CA10: variants seen among roughly 807,000 people sequenced by gnomAD.
The protein encoded by CA10 is carbonic anhydrase-related protein 10.
A neutral mutation model predicts 44.2 loss-of-function variants in CA10; 14 were observed. The observed-to-expected ratio is 0.32, with a 90% CI of 0.21 to 0.50. The LOEUF (loss-of-function observed/expected upper bound fraction) is 0.50. Ranked by LOEUF, CA10 falls within the 20% of genes least tolerant of loss-of-function variation. The probability of loss-of-function intolerance (pLI) is 0.99; values close to 1 mark genes in which losing one functional copy is unlikely to be tolerated. For missense variants in CA10, 350 were observed against 409.7 expected (o/e 0.85, Z 1.26); for synonymous variants, 159 against 141.6 (o/e 1.12, Z -0.87).
chr17:51,801,193 G>A (rs899866010), intron 3 of CA10, among the ~76,000 whole-genome samples: 1 of 152,294 alleles, frequency 6.6e-6, no homozygotes, highest in South Asian at 2.1e-4. Context: ...CCCAGTGGCA[G>A]CTTCCACAGA....
chr17:51,861,313 A>G (rs1004469079), intron 3 of CA10, among the ~76,000 whole-genome samples: 3 of 152,116 alleles, frequency 2.0e-5, no homozygotes, highest in African/African-American at 7.2e-5. Context: ...AGTTTCTCCA[A>G]CGTTGCAGAA....
At chr17:51,943,338 G>C (rs1408601329) in intron 2 of CA10, among the ~76,000 whole-genome samples, 1 of 152,204 alleles carries the variant, frequency 6.6e-6, no homozygotes. Flanking sequence ...ATAGATGCAA[G>C]TTCTTCAAGA....
At chr17:51,743,084 G>A (rs987998732) in intron 4 of CA10, among the ~76,000 whole-genome samples, 1 of 152,264 alleles carries the variant, frequency 6.6e-6, no homozygotes, top group Non-Finnish European at 1.5e-5. Context: ...CATGTGAAGA[G>A]TGGATGAAAT....
chr17:51,896,008 T>C (rs1389956364), intron 3 of CA10, among the ~76,000 whole-genome samples: 4 of 152,094 alleles, frequency 2.6e-5, no homozygotes, highest in Non-Finnish European at 5.9e-5. Context: ...ATAGGCAATG[T>C]TCCATGTTAT....
chr17:51,985,299 T>A (rs191547671), intron 2 of CA10, among the ~76,000 whole-genome samples: 61 of 152,132 alleles, frequency 4.0e-4, no homozygotes, highest in African/African-American at 1.4e-3. Context: ...GAAAAAGCAT[T>A]TGACAAAATC....
intron 1 of CA10, among the ~76,000 whole-genome samples, chr17:52,097,545 C>T (rs1252439728): frequency 6.6e-6 from 1 of 152,060 alleles, no homozygotes; most frequent in Non-Finnish European, 1.5e-5. Context: ...ATATTTCTAT[C>T]CAGTACACTG....
At chr17:51,929,124 CA>C (rs559276184) in intron 3 of CA10, among the ~76,000 whole-genome samples, 6 of 151,132 alleles carry the variant, frequency 4.0e-5, no homozygotes, top group Admixed American at 6.6e-5. Flanking sequence ...ATCTCTAAAA[CA>C]AAAAAAAACC....
intron 3 of CA10, among the ~76,000 whole-genome samples, chr17:51,802,576 A>AAC (rs1319797964): frequency 6.6e-6 from 1 of 151,370 alleles, no homozygotes; most frequent in African/African-American, 2.4e-5. Context: ...AAAAAAAAAA[A>AAC]AAAAAAAAAA....
chr17:52,059,908 G>A (rs1002805046), intron 2 of CA10, among the ~76,000 whole-genome samples: 7 of 152,102 alleles, frequency 4.6e-5, no homozygotes, highest in Non-Finnish European at 8.8e-5. Context: ...ACATCAGGAG[G>A]GGCTTTGGAG....
chr17:51,892,281 A>G (rs1980892171), intron 3 of CA10, among the ~76,000 whole-genome samples: 1 of 152,198 alleles, frequency 6.6e-6, no homozygotes, highest in African/African-American at 2.4e-5. Flanking sequence ...GCTACTCAGT[A>G]AGGACTTTAA....
In CA10 at chr17:52,158,095, A is replaced by G. The variant is rs1598246239; in HGVS notation, c.-309T>C. On this transcript the variant is annotated 5_prime_UTR_variant, in exon 1 of 9. Transcript: ENST00000451037. ...TCTTCGCACCAGCGGCGGAAACCGCACTAGCAGCGGCGGCGGCGGCGGCGG... is the reference window on the plus strand; with the variant it reads ...TCTTCGCACCAGCGGCGGAAACCGCGCTAGCAGCGGCGGCGGCGGCGGCGG... 2.0e-6 allele frequency: 1 copy of G among 504,418 alleles called. No individual in the cohort carries two copies. Among genetic ancestry groups the G allele is most frequent in the East Asian group, 3.9e-5 (1 of 25,550 alleles). 31.2% of individuals were successfully genotyped at this position (504,418 alleles called of 1,614,324 possible). A position where few individuals can be genotyped will look rare whatever the true frequency, so the allele number is the denominator to read the frequency against.
At chr17:51,640,940 A>G (rs1451180730) in intron 6 of CA10, among the ~76,000 whole-genome samples, 1 of 152,114 alleles carries the variant, frequency 6.6e-6, no homozygotes, top group Non-Finnish European at 1.5e-5. Context: ...AAGGATGGCA[A>G]AGATCTAGAG....
chr17:52,052,921 A>ATGTG (rs1370777869), intron 2 of CA10, among the ~76,000 whole-genome samples: 2 of 151,726 alleles, frequency 1.3e-5, no homozygotes, highest in Non-Finnish European at 2.9e-5. Flanking sequence ...GTGTATGAGT[A>ATGTG]TGTGTGTGTG....
At chr17:51,857,875 A>G (rs1979123452) in intron 3 of CA10, among the ~76,000 whole-genome samples, 2 of 152,206 alleles carry the variant, frequency 1.3e-5, no homozygotes, top group Non-Finnish European at 2.9e-5. Flanking sequence ...CTGTCCTTAG[A>G]AAACACTCAT....
intron 2 of CA10, among the ~76,000 whole-genome samples, chr17:52,036,905 G>A (rs544932797): frequency 5.3e-5 from 8 of 152,164 alleles, no homozygotes; most frequent in Non-Finnish European, 1.0e-4. Flanking sequence ...AAAGTATGAG[G>A]TGCAGGTGGA....
intron 2 of CA10, among the ~76,000 whole-genome samples, chr17:51,979,756 T>C (rs12603762): frequency 0.39 from 59,935 of 151,974 alleles, 13,291 homozygotes; most frequent in East Asian, 0.74. Context: ...TTCCATGAAA[T>C]GCAGGAGCTA....
At chr17:51,901,881 T>A (rs1251890476) in intron 3 of CA10, among the ~76,000 whole-genome samples, 1 of 152,090 alleles carries the variant, frequency 6.6e-6, no homozygotes, top group Non-Finnish European at 1.5e-5. Flanking sequence ...ATAAAGTTAG[T>A]ATAAGATAAT....
At chr17:51,897,907 A>G (rs564478557) in intron 3 of CA10, among the ~76,000 whole-genome samples, 9 of 152,246 alleles carry the variant, frequency 5.9e-5, no homozygotes, top group Non-Finnish European at 1.3e-4. Context: ...ATTTTTGTAC[A>G]TTGATTTTGT....
At chr17:51,997,748 A>T (rs1348165679) in intron 2 of CA10, among the ~76,000 whole-genome samples, 1 of 152,046 alleles carries the variant, frequency 6.6e-6, no homozygotes, top group African/African-American at 2.4e-5. Context: ...TGTTGAGACA[A>T]ATGTTATCTG....
Sources: gnomAD v4.1 joint callset for allele counts (sites outside exome capture counted in the v4.1 genomes callset) on GRCh38, gnomAD v4.1.1 for gene constraint, MANE v1.5 for transcripts, NCBI Gene and HGNC (gene_info 2026-07-23, HGNC 2026-07-21) for gene names.